The following PRR16 variants were observed in gnomAD, a reference collection of about 807,000 sequenced individuals.
The protein encoded by PRR16 is proline rich 16.
A neutral mutation model predicts 18.2 loss-of-function variants in PRR16; 6 were observed. The ratio of observed to expected loss-of-function variants is 0.33; its 90% CI spans 0.18 to 0.65. PRR16 has a LOEUF of 0.65. Ranked by LOEUF, PRR16 falls within the 30% of genes least tolerant of loss-of-function variation. PRR16 has a pLI of 0.74. For synonymous variants in PRR16, 151 were observed against 147.8 expected (o/e 1.02, Z -0.16); for missense variants, 412 against 376.6 (o/e 1.09, Z -0.78).
At chr5:120,752,345 C>T in the PRR16 span, among the ~76,000 whole-genome samples, 1 of 151,988 alleles carries the variant, frequency 6.6e-6, no homozygotes, top group Admixed American at 6.6e-5. Context: ...GGAGATAATG[C>T]GGGCCTGAGG....
At chr5:120,712,335 T>A in the PRR16 span, among the ~76,000 whole-genome samples, 7 of 152,176 alleles carry the variant, frequency 4.6e-5, no homozygotes, top group Non-Finnish European at 1.0e-4. Flanking sequence ...ATCTCTAGAC[T>A]TATTTATTCT....
intron 1 of PRR16, among the ~76,000 whole-genome samples, chr5:120,505,362 G>A (rs922741904): frequency 4.0e-5 from 6 of 151,392 alleles, no homozygotes; most frequent in South Asian, 2.1e-4. Context: ...TTACAGGGCA[G>A]GGAATAGGTT....
At chr5:120,719,277 G>A in the PRR16 span, among the ~76,000 whole-genome samples, 10 of 151,970 alleles carry the variant, frequency 6.6e-5, no homozygotes, top group Non-Finnish European at 1.2e-4. Context: ...TGACAATAAT[G>A]ATAGATAATC....
the PRR16 span, among the ~76,000 whole-genome samples, chr5:120,789,712 A>C: frequency 6.6e-6 from 1 of 152,254 alleles, no homozygotes; most frequent in Admixed American, 6.5e-5. Context: ...TAATTTAGGT[A>C]TAATCATACT....
chr5:120,557,669 C>T (rs1752458046), intron 1 of PRR16, among the ~76,000 whole-genome samples: 1 of 151,838 alleles, frequency 6.6e-6, no homozygotes, highest in Non-Finnish European at 1.5e-5. Flanking sequence ...CATATAGTTG[C>T]ATTTCCTATG....
At chr5:120,692,768 G>A in the PRR16 span, among the ~76,000 whole-genome samples, 6 of 152,114 alleles carry the variant, frequency 3.9e-5, no homozygotes, top group African/African-American at 1.4e-4. Context: ...AACACAGATA[G>A]AAATGAGTCT....
At chr5:120,588,956 A>G (rs934179913) in intron 1 of PRR16, among the ~76,000 whole-genome samples, 1 of 152,010 alleles carries the variant, frequency 6.6e-6, no homozygotes, top group African/African-American at 2.4e-5. Flanking sequence ...CAGTTCTACC[A>G]TTAATTTCTA....
At chr5:120,726,012 G>T in the PRR16 span, among the ~76,000 whole-genome samples, 3 of 151,908 alleles carry the variant, frequency 2.0e-5, no homozygotes, top group African/African-American at 7.3e-5. Context: ...CGGGAAAGAG[G>T]GGAGATTATT....
the PRR16 span, among the ~76,000 whole-genome samples, chr5:120,763,047 T>G: frequency 6.6e-6 from 1 of 152,314 alleles, no homozygotes; most frequent in South Asian, 2.1e-4. Context: ...TATGTGTCTG[T>G]GGCATACTCG....
intron 1 of PRR16, among the ~76,000 whole-genome samples, chr5:120,570,133 G>C (rs1397630334): frequency 6.6e-6 from 1 of 152,098 alleles, no homozygotes; most frequent in African/African-American, 2.4e-5. Context: ...ATGAGAGCAT[G>C]TGGTTGATAA....
At chr5:120,715,631 A>G in the PRR16 span, among the ~76,000 whole-genome samples, 1 of 152,200 alleles carries the variant, frequency 6.6e-6, no homozygotes, top group Non-Finnish European at 1.5e-5. Context: ...ATTTTGCCCT[A>G]TAATAGCCTG....
the PRR16 span, among the ~76,000 whole-genome samples, chr5:120,717,189 G>A: frequency 2.6e-5 from 4 of 152,212 alleles, no homozygotes; most frequent in Admixed American, 2.6e-4. Context: ...ATAGATTAAT[G>A]GATGAAAAAG....
chr5:120,536,035 C>T (rs1751706819), intron 1 of PRR16, among the ~76,000 whole-genome samples: 1 of 152,204 alleles, frequency 6.6e-6, no homozygotes, highest in African/African-American at 2.4e-5. Context: ...CCAATTATCT[C>T]ATGTTTAGTC....
chr5:120,568,230 A>G (rs1752796677), intron 1 of PRR16, among the ~76,000 whole-genome samples: 1 of 152,162 alleles, frequency 6.6e-6, no homozygotes, highest in Non-Finnish European at 1.5e-5. Flanking sequence ...GACCCTAGTA[A>G]GCTGGCTTTG....
the PRR16 span, among the ~76,000 whole-genome samples, chr5:120,731,086 C>T: frequency 6.6e-6 from 1 of 152,006 alleles, no homozygotes; most frequent in African/African-American, 2.4e-5. Context: ...ATTTAGGTTT[C>T]CCATTTGTGA....
chr5:120,656,031 G>A (rs1340069786), intron 1 of PRR16, among the ~76,000 whole-genome samples: 1 of 151,790 alleles, frequency 6.6e-6, no homozygotes, highest in Non-Finnish European at 1.5e-5. Context: ...ACCAGGTGGT[G>A]CCAAATTCCA....
At chr5:120,617,716 C>A (rs1019218688) in intron 1 of PRR16, among the ~76,000 whole-genome samples, 17 of 152,080 alleles carry the variant, frequency 1.1e-4, no homozygotes, top group South Asian at 6.2e-4. Context: ...AATTTAAATT[C>A]ACATATTAAG....
intron 1 of PRR16, among the ~76,000 whole-genome samples, chr5:120,488,840 G>A (rs1004264909): frequency 1.3e-5 from 2 of 151,902 alleles, no homozygotes; most frequent in African/African-American, 4.8e-5. Context: ...CAGAGATTCT[G>A]GTGTGTTGTG....
intron 1 of PRR16, among the ~76,000 whole-genome samples, chr5:120,522,120 T>G (rs918792871): frequency 6.6e-6 from 1 of 152,204 alleles, no homozygotes; most frequent in Non-Finnish European, 1.5e-5. Context: ...TGAATAGTGC[T>G]GCAATAAACA....
Sources: allele counts gnomAD v4.1 joint callset (sites outside exome capture counted in the v4.1 genomes callset), GRCh38; gene constraint gnomAD v4.1.1; transcripts MANE v1.5; gene names NCBI Gene and HGNC (gene_info 2026-07-23, HGNC 2026-07-21).